Variants in PPP2R5A observed in about 807,000 individuals in gnomAD.
PPP2R5A encodes protein phosphatase 2 regulatory subunit B'alpha.
Under a neutral mutation model 64.2 loss-of-function variants are expected in PPP2R5A, and 25 were observed. The observed-to-expected ratio is 0.39, with a 90% CI of 0.28 to 0.54. The LOEUF (loss-of-function observed/expected upper bound fraction) is 0.54, where lower values mean the gene tolerates loss of function less well. Ranked by LOEUF, PPP2R5A falls within the 20% of genes least tolerant of loss-of-function variation. The pLI is 0.67. For missense variants in PPP2R5A, 425 were observed against 576.3 expected, an observed-to-expected ratio of 0.74 and a Z score of 2.69; for synonymous variants, 198 against 201.2, an observed-to-expected ratio of 0.98 and a Z score of 0.13.
chr1:212,318,662 G>A (rs1659204705), intron 1 of PPP2R5A, among the ~76,000 whole-genome samples: 1 of 152,158 alleles, frequency 6.6e-6, no homozygotes, highest in Admixed American at 6.5e-5. Flanking sequence ...CATATCTGTG[G>A]GTTCCACATC....
intron 12 of PPP2R5A, among the ~76,000 whole-genome samples, chr1:212,359,995 A>G (rs1272620375): frequency 6.6e-6 from 1 of 152,224 alleles, no homozygotes; most frequent in Non-Finnish European, 1.5e-5. Context: ...TTATAAGCCT[A>G]TGTTTTACAT....
intron 7 of PPP2R5A, 124 bp from the exon 8 acceptor site, chr1:212,349,065 T>C: frequency 2.0e-6 from 1 of 507,726 alleles, no homozygotes; most frequent in Non-Finnish European, 3.2e-6. Flanking sequence ...GTTGTGAGTA[T>C]ATTTTTATAT....
intron 1 of PPP2R5A, among the ~76,000 whole-genome samples, chr1:212,317,095 C>T (rs1430658839): frequency 6.6e-6 from 1 of 152,170 alleles, no homozygotes; most frequent in Non-Finnish European, 1.5e-5. Context: ...CTGTATTCCC[C>T]CTTTTTATTC....
At chr1:212,351,847 A>C (rs1051304910) in intron 8 of PPP2R5A, among the ~76,000 whole-genome samples, 1 of 152,142 alleles carries the variant, frequency 6.6e-6, no homozygotes, top group Non-Finnish European at 1.5e-5. Context: ...TTTTTTTGGC[A>C]GTGTAAACCT....
intron 8 of PPP2R5A, among the ~76,000 whole-genome samples, chr1:212,352,432 G>GGTTT (rs1239584962): frequency 6.6e-6 from 1 of 151,392 alleles, no homozygotes; most frequent in African/African-American, 2.4e-5. Flanking sequence ...ACTACATTTG[G>GGTTT]GTTTGTTTGT....
rs577038917 is a variant in PPP2R5A at position 212,358,999 on chromosome 1, A to T, written c.1328+212A>T. Among the ~76,000 whole-genome samples the T allele has an allele frequency of 8.5e-5, 13 of 152,312 alleles. No homozygotes were observed. The East Asian group carries it at 2.3e-3, about 27-fold the overall frequency. ...TTTTTATAAATTTGTTAAAGCAGAA[A>T]AAGCAGTAGCATTTATTTTTGAGGG... On this transcript the variant is annotated intron_variant, in intron 12 of 12. Coordinates refer to ENST00000261461, the MANE Select transcript of PPP2R5A (RefSeq NM_006243.4).
In PPP2R5A at chr1:212,306,117, C is replaced by T. The variant is rs374736330; in HGVS notation, c.181+19826C>T. ...GTACCCTTTCCCCATTGGCCGGGGT[C>T]GGGTCGTACAATCTAAACTAATCCT... On this transcript the variant is annotated intron_variant, in intron 1 of 12. Transcript: ENST00000261461. Among the ~76,000 whole-genome samples the T allele has an allele frequency of 7.2e-4, 110 of 152,128 alleles. 5 individuals are homozygous for T. The South Asian group carries it at 0.022, about 30-fold the overall frequency.
intron 1 of PPP2R5A, among the ~76,000 whole-genome samples, chr1:212,308,819 TC>T: frequency 2.0e-5 from 3 of 152,330 alleles, no homozygotes; most frequent in Admixed American, 2.0e-4. Context: ...TGATGTATTT[TC>T]AAGTTCCCCA....
At chr1:212,329,772 A>G (rs1451566460) in intron 2 of PPP2R5A, among the ~76,000 whole-genome samples, 2 of 152,124 alleles carry the variant, frequency 1.3e-5, no homozygotes, top group Non-Finnish European at 2.9e-5. Context: ...CAGCCTCCCG[A>G]GTAGCTGGGA....
intron 1 of PPP2R5A, chr1:212,309,315 T>G (rs1355558477): frequency 3.3e-6 from 5 of 1,527,600 alleles, no homozygotes; most frequent in Non-Finnish European, 4.5e-6. Context: ...CAAGTTTGTT[T>G]CTCCTGGGGG....
intron 1 of PPP2R5A, among the ~76,000 whole-genome samples, chr1:212,297,288 T>C (rs1658715581): frequency 6.6e-6 from 1 of 151,632 alleles, no homozygotes; most frequent in Non-Finnish European, 1.5e-5. Context: ...TTTATTTTTT[T>C]TATTTTTAGT....
chr1:212,300,146 G>T (rs1658773309), intron 1 of PPP2R5A, among the ~76,000 whole-genome samples: 1 of 152,124 alleles, frequency 6.6e-6, no homozygotes, highest in Non-Finnish European at 1.5e-5. Flanking sequence ...ATATAGGAAA[G>T]GTAAAAATAA....
intron 1 of PPP2R5A, among the ~76,000 whole-genome samples, chr1:212,312,066 G>A (rs927647181): frequency 6.6e-6 from 1 of 152,128 alleles, no homozygotes; most frequent in African/African-American, 2.4e-5. Flanking sequence ...CTCTATTCAT[G>A]TTAAGTGTCC....
intron 12 of PPP2R5A, 76 bp downstream of exon 12, chr1:212,358,863 C>G (rs1409116234): frequency 1.7e-6 from 2 of 1,157,702 alleles, no homozygotes; most frequent in Non-Finnish European, 2.5e-6. Context: ...AGGAAGGTAT[C>G]TTCTCTCAGT....
At chr1:212,290,891 C>T (rs183674103) in intron 1 of PPP2R5A, among the ~76,000 whole-genome samples, 1 of 152,260 alleles carries the variant, frequency 6.6e-6, no homozygotes, top group East Asian at 1.9e-4. Context: ...ACATTTTTCT[C>T]TTGATAAAAT....
chr1:212,346,644 C>G (rs547422594), intron 5 of PPP2R5A, among the ~76,000 whole-genome samples: 9 of 152,176 alleles, frequency 5.9e-5, no homozygotes, highest in African/African-American at 2.2e-4. Flanking sequence ...GATACAGGGC[C>G]AAGTGTACTT....
rs61297300 is a variant in PPP2R5A, at chr1:212,350,976, T to TA, written c.927+1752dup. 8.1e-4 allele frequency among the ~76,000 whole-genome samples: 115 copies of TA among 141,780 alleles called. 1 individual carries two copies. The highest frequency in any genetic ancestry group is 2.5e-3 in the South Asian group (11 of 4,390). The allele number at this position is 141,780 out of a possible 152,430, so 93.0% of individuals were successfully genotyped here. A position where few individuals can be genotyped will look rare whatever the true frequency, so the allele number is the denominator to read the frequency against. On this transcript the variant is annotated intron_variant, in intron 8 of 12. Transcript: ENST00000261461. The stretch of plus-strand genomic sequence containing the variant: ...AACATGGTGAAACCCCATTTCTACT[T>TA]AAAAAAAAAAAAAAAAAATTAGCTG...
At chr1:212,335,916 A>T (rs1185629819) in intron 3 of PPP2R5A, among the ~76,000 whole-genome samples, 1 of 152,184 alleles carries the variant, frequency 6.6e-6, no homozygotes, top group Non-Finnish European at 1.5e-5. Flanking sequence ...TTGAATTTTT[A>T]AAAGTAAAGA....
chr1:212,336,372 C>T (rs1391962076), intron 3 of PPP2R5A, among the ~76,000 whole-genome samples: 1 of 152,164 alleles, frequency 6.6e-6, no homozygotes, highest in African/African-American at 2.4e-5. Context: ...ACCTCAGCCT[C>T]CCAAAGTGCT....
Sources: gnomAD v4.1 joint callset for allele counts (sites outside exome capture counted in the v4.1 genomes callset) on GRCh38, gnomAD v4.1.1 for gene constraint, MANE v1.5 for transcripts, NCBI Gene and HGNC (gene_info 2026-07-23, HGNC 2026-07-21) for gene names.